The following NAV1 variants were observed in gnomAD, a reference collection of about 807,000 sequenced individuals.
NAV1 encodes the protein pore membrane and/or filament interacting like protein 3.
Under a neutral mutation model 175.2 loss-of-function variants are expected in NAV1, and 18 were observed. That is an observed-to-expected ratio of 0.10 (90% CI 0.07 to 0.15). The LOEUF (loss-of-function observed/expected upper bound fraction) is 0.15, where lower values mean the gene tolerates loss of function less well. Ranked by LOEUF, NAV1 falls within the 10% of genes least tolerant of loss-of-function variation. NAV1 has a pLI of 1.00. For missense variants in NAV1, 1,731 were observed against 2,436.6 expected (o/e 0.71, Z 6.10); for synonymous variants, 897 against 978.7 (o/e 0.92, Z 1.56).
At chr1:201,817,466 AT>A (rs1241866156) in intron 29 of NAV1, among the ~76,000 whole-genome samples, 181 bp downstream of exon 33, 7 of 152,122 alleles carry the variant, frequency 4.6e-5, no homozygotes, top group African/African-American at 1.7e-4. Context: ...AAAGAAAAAA[AT>A]AAGTTAAAAA....
intron 1 of NAV1, among the ~76,000 whole-genome samples, chr1:201,556,921 T>G (rs1184393736): frequency 6.6e-6 from 1 of 152,068 alleles, no homozygotes; most frequent in Non-Finnish European, 1.5e-5. Flanking sequence ...GGCAAATATC[T>G]CAGGCAAAAG....
At chr1:201,632,342 C>T (rs531098890) in intron 2 of NAV1, among the ~76,000 whole-genome samples, 2 of 152,372 alleles carry the variant, frequency 1.3e-5, no homozygotes, top group Non-Finnish European at 2.9e-5. Context: ...TGCCTCTGCC[C>T]TGGGGCAAGT....
At chr1:201,588,422 A>T (rs1167361622) in intron 1 of NAV1, among the ~76,000 whole-genome samples, 117 bp from the exon 2 acceptor site, 1 of 152,162 alleles carries the variant, frequency 6.6e-6, no homozygotes, top group African/African-American at 2.4e-5. Context: ...ATCATAGCTC[A>T]CTGCAGCCTC....
At chr1:201,779,107 G>C (rs1676138886) in intron 3 of NAV1, among the ~76,000 whole-genome samples, 1 of 152,204 alleles carries the variant, frequency 6.6e-6, no homozygotes, top group Non-Finnish European at 1.5e-5. Flanking sequence ...AAGGAATTGA[G>C]AAAGACTTGG....
At chr1:201,802,513 G>T (rs1315883437) in intron 15 of NAV1, among the ~76,000 whole-genome samples, 5 of 150,792 alleles carry the variant, frequency 3.3e-5, no homozygotes, top group Non-Finnish European at 7.4e-5. Flanking sequence ...GGGCGCAGTG[G>T]CTCGTGCCTG....
chr1:201,702,622 G>A (rs926443392), intron 1 of NAV1, among the ~76,000 whole-genome samples: 1 of 150,582 alleles, frequency 6.6e-6, no homozygotes, highest in Non-Finnish European at 1.5e-5. Context: ...CACCAGCGTC[G>A]GCTCCCAAAT....
chr1:201,624,879 C>T (rs1668286009), intron 1 of NAV1, among the ~76,000 whole-genome samples: 1 of 152,146 alleles, frequency 6.6e-6, no homozygotes, highest in African/African-American at 2.4e-5. Context: ...ACACCAGGGA[C>T]CTCTGAGGCA....
chr1:201,766,592 C>T (rs896862470), intron 3 of NAV1, among the ~76,000 whole-genome samples: 5 of 152,132 alleles, frequency 3.3e-5, no homozygotes, highest in African/African-American at 7.2e-5. Flanking sequence ...GACTATGGCT[C>T]ATAATTTCAA....
chr1:201,685,641 C>G (rs999908661), intron 1 of NAV1, among the ~76,000 whole-genome samples: 1 of 152,180 alleles, frequency 6.6e-6, no homozygotes, highest in African/African-American at 2.4e-5. Context: ...CTGCCTGTCC[C>G]CCTTGGCCCA....
exon 29 of NAV1, chr1:201,817,259 C>A: frequency 6.2e-7 from 1 of 1,614,102 alleles, no homozygotes; most frequent in Admixed American, 1.7e-5. Context: ...AGACAGCACC[C>A]CAAGTTCTCT....
At chr1:201,728,074 T>A (rs1396197955) in intron 3 of NAV1, among the ~76,000 whole-genome samples, 2 of 152,106 alleles carry the variant, frequency 1.3e-5, no homozygotes, top group East Asian at 3.8e-4. Context: ...GGAGTTAGAT[T>A]CCTGGGTCAG....
intron 3 of NAV1, among the ~76,000 whole-genome samples, chr1:201,741,253 G>A (rs1309060353): frequency 1.3e-5 from 2 of 152,168 alleles, no homozygotes; most frequent in African/African-American, 4.8e-5. Flanking sequence ...GGCACCAGGA[G>A]CCCCTTGGAA....
chr1:201,575,523 A>G (rs1409271972), intron 1 of NAV1, among the ~76,000 whole-genome samples: 1 of 152,190 alleles, frequency 6.6e-6, no homozygotes, highest in African/African-American at 2.4e-5. Context: ...CTGCGTATCT[A>G]CATCAGGGAG....
chr1:201,613,726 G>C (rs1306860845), intron 2 of NAV1, among the ~76,000 whole-genome samples: 2 of 152,128 alleles, frequency 1.3e-5, no homozygotes, highest in African/African-American at 4.8e-5. Context: ...GCCAGGCATG[G>C]TGGCACACGC....
Position 201,651,747 on chromosome 1 carries a change from C to CA in NAV1, c.757+2323dup, listed in dbSNP as rs59352965. On this transcript the variant is annotated intron_variant, in intron 1 of 29. Coordinates refer to ENST00000367296, the Ensembl canonical transcript of NAV1. ...GCTATGTCTACTGGGTATGGGCCACCAGAACTGCCTCGATGACCCTACAGA... is the reference window on the plus strand; with the variant it reads ...GCTATGTCTACTGGGTATGGGCCACCAAGAACTGCCTCGATGACCCTACAGA... Among the ~76,000 whole-genome samples the CA allele has an allele frequency of 7.6e-3, 1,150 of 152,192 alleles. 15 individuals carry two copies. Among genetic ancestry groups the CA allele is most frequent in the African/African-American group, 0.027 (1,118 of 41,526 alleles).
At chr1:201,579,164 C>G (rs1666776502) in intron 1 of NAV1, among the ~76,000 whole-genome samples, 1 of 152,096 alleles carries the variant, frequency 6.6e-6, no homozygotes, top group African/African-American at 2.4e-5. Context: ...TCTTTCTGGG[C>G]TGCCACTTTC....
chr1:201,656,630 T>C (rs1202562881), intron 1 of NAV1, among the ~76,000 whole-genome samples: 1 of 152,032 alleles, frequency 6.6e-6, no homozygotes, highest in Non-Finnish European at 1.5e-5. Flanking sequence ...TCGGGTGAGG[T>C]TGGGTGTCAG....
intron 1 of NAV1, among the ~76,000 whole-genome samples, chr1:201,550,838 T>C (rs1665832557): frequency 6.6e-6 from 1 of 152,148 alleles, no homozygotes; most frequent in African/African-American, 2.4e-5. Flanking sequence ...CGGCAAATGT[T>C]TGAGACCCAC....
intron 2 of NAV1, among the ~76,000 whole-genome samples, chr1:201,595,693 G>A (rs1027341027): frequency 4.6e-5 from 7 of 152,222 alleles, no homozygotes; most frequent in African/African-American, 1.7e-4. Flanking sequence ...TTAGAAGCTG[G>A]CCTCCAACAT....
Sources: allele counts gnomAD v4.1 joint callset (sites outside exome capture counted in the v4.1 genomes callset), GRCh38; gene constraint gnomAD v4.1.1; transcripts MANE v1.5; gene names NCBI Gene and HGNC (gene_info 2026-07-23, HGNC 2026-07-21).